The following METTL4 variants were observed in gnomAD, a reference collection of about 807,000 sequenced individuals.
METTL4 encodes N(6)-adenine-specific methyltransferase METTL4.
METTL4 carries 40 observed loss-of-function variants against 54.0 expected under a neutral mutation model. That is an observed-to-expected ratio of 0.74 (90% CI 0.58 to 0.96). METTL4 has a LOEUF of 0.96. Among genes scored for constraint, METTL4 ranks in the 50% least tolerant of loss-of-function variants. The probability of loss-of-function intolerance (pLI) is 0.00; values close to 1 mark genes in which losing one functional copy is unlikely to be tolerated. For synonymous variants in METTL4, 169 were observed against 183.8 expected, an observed-to-expected ratio of 0.92 and a Z score of 0.65; for missense variants, 525 against 549.0, an observed-to-expected ratio of 0.96 and a Z score of 0.44.
intron 4 of METTL4, chr18:2,553,587 A>T (rs1276148851): frequency 6.6e-6 from 1 of 152,146 alleles, no homozygotes; most frequent in African/African-American, 2.4e-5. Flanking sequence ...CTTTTCATCC[A>T]CTATTTTGAC....
At chr18:2,547,129 C>G (rs779744556) in intron 6 of METTL4, among the ~76,000 whole-genome samples, 2 of 152,136 alleles carry the variant, frequency 1.3e-5, no homozygotes, top group Non-Finnish European at 2.9e-5. Flanking sequence ...ATCTTCCAGA[C>G]TGACTTCCCA....
intron 2 of METTL4, among the ~76,000 whole-genome samples, chr18:2,564,452 A>G (rs2072372762): frequency 6.6e-6 from 1 of 152,242 alleles, no homozygotes; most frequent in African/African-American, 2.4e-5. Flanking sequence ...CACTTTATAT[A>G]TGGTATAGTT....
intron 3 of METTL4, among the ~76,000 whole-genome samples, chr18:2,558,081 A>G (rs899311321): frequency 5.3e-5 from 8 of 152,248 alleles, no homozygotes; most frequent in African/African-American, 1.9e-4. Context: ...TGACATTCAT[A>G]GAACACTGCC....
rs987433957 is a variant in METTL4 at position 2,538,991 on chromosome 18, A to C, written c.*9T>G. 1.2e-6 allele frequency: 2 copies of C among 1,612,544 alleles called. No homozygotes were observed. Among genetic ancestry groups the C allele is most frequent in the Non-Finnish European group, 8.5e-7 (1 of 1,179,312 alleles). On this transcript the variant is annotated 3_prime_UTR_variant, in exon 9 of 9. Transcript: ENST00000574538. The stretch of plus-strand genomic sequence containing the variant: ...AATGAAGAAACCACTACTTTAATCA[A>C]GATCATAGTCAGCTTCCAGACTCCA...
At position 2,567,547 on chromosome 18, in the gene METTL4, T is replaced by G. The variant is rs150512140; in HGVS notation, c.-331A>C. 3.6e-3 allele frequency: 650 copies of G among 178,778 alleles called. 6 individuals are homozygous for G. The highest frequency in any genetic ancestry group is 0.015 in the Middle Eastern group (6 of 400). 11.1% of individuals were successfully genotyped at this position (178,778 alleles called of 1,614,324 possible). A position where few individuals can be genotyped will look rare whatever the true frequency, so the allele number is the denominator to read the frequency against. ...GTCTGGAATCCCAATGTGATCCTCC[T>G]GTCTTCCTGGGCCCCCCACGACTTC... On this transcript the variant is annotated 5_prime_UTR_variant, in exon 2 of 9. Transcript: ENST00000574538.
intron 6 of METTL4, 30 bp from the exon 7 acceptor site, chr18:2,544,789 T>A (rs1567956948): frequency 6.8e-7 from 1 of 1,465,998 alleles, no homozygotes; most frequent in South Asian, 1.1e-5. Context: ...AAAAGAGGGT[T>A]ATTTTTTCCC....
Position 2,538,880 on chromosome 18 carries a change from A to T in METTL4, c.*120T>A, listed in dbSNP as rs1337513613. 5.3e-6 allele frequency: 6 copies of T among 1,139,870 alleles called. No individual in the cohort carries two copies. In the African/African-American group the frequency reaches 9.3e-5, roughly 18 times the overall value. 70.6% of individuals were successfully genotyped at this position (1,139,870 alleles called of 1,614,324 possible). A position where few individuals can be genotyped will look rare whatever the true frequency, so the allele number is the denominator to read the frequency against. ...TCACTTCTGGTCCCTTACTGAAAAA[A>T]ACAAGTCCTGTTTATATTCTAAGAA... On this transcript the variant is annotated 3_prime_UTR_variant, in exon 9 of 9. Coordinates refer to ENST00000574538, the MANE Select transcript of METTL4 (RefSeq NM_022840.5).
At chr18:2,546,589 A>G (rs561882798) in intron 6 of METTL4, among the ~76,000 whole-genome samples, 1 of 152,292 alleles carries the variant, frequency 6.6e-6, no homozygotes, top group South Asian at 2.1e-4. Context: ...AAAAATGAGT[A>G]TGCTTGCAAT....
intron 1 of METTL4, among the ~76,000 whole-genome samples, chr18:2,570,522 G>T (rs2072487283): frequency 6.6e-6 from 1 of 152,202 alleles, no homozygotes. Context: ...TTAGTGCTAA[G>T]GATTTAACAA....
At chr18:2,564,225 A>G (rs1163125068) in intron 2 of METTL4, among the ~76,000 whole-genome samples, 2 of 150,006 alleles carry the variant, frequency 1.3e-5, no homozygotes, top group South Asian at 2.1e-4. Flanking sequence ...AACATGGTGA[A>G]ACCCCATCTC....
At chr18:2,551,672 G>A (rs914913530) in intron 5 of METTL4, among the ~76,000 whole-genome samples, 1 of 151,680 alleles carries the variant, frequency 6.6e-6, no homozygotes, top group Non-Finnish European at 1.5e-5. Flanking sequence ...TTCCAGCCTG[G>A]GCAACAGAGT....
chr18:2,569,448 A>G (rs1046754745), intron 1 of METTL4, among the ~76,000 whole-genome samples: 2 of 152,142 alleles, frequency 1.3e-5, no homozygotes, highest in African/African-American at 2.4e-5. Flanking sequence ...TTCTCCTTAC[A>G]TGGCCTGGAG....
rs752222705 is a variant in METTL4 at position 2,554,658 on chromosome 18, T to C, written c.829+11A>G. On this transcript the variant is annotated intron_variant, in intron 4 of 8. Transcript: ENST00000574538. Reference sequence around the variant, plus strand: ...TATCTTTTTCTAATAACAAACACAATAATTACTTACAGTTTAGAAGTGGTT... The same window carrying C: ...TATCTTTTTCTAATAACAAACACAACAATTACTTACAGTTTAGAAGTGGTT... 12 of 1,582,224 alleles carry C rather than the reference T, an allele frequency of 7.6e-6. No homozygotes were observed. The African/African-American group carries it at 1.4e-4, about 18-fold the overall frequency.
intron 8 of METTL4, among the ~76,000 whole-genome samples, chr18:2,539,467 A>T (rs2071960808): frequency 2.2e-5 from 1 of 44,446 alleles, no homozygotes; most frequent in South Asian, 1.2e-3. Context: ...CCTGAGTATT[A>T]ACTTTATTTA....
At position 2,538,931 on chromosome 18, in the gene METTL4, A is replaced by T; in HGVS notation, c.*69T>A. On this transcript the variant is annotated 3_prime_UTR_variant, in exon 9 of 9. Transcript: ENST00000574538. Reference sequence around the variant, plus strand: ...TATGGGTTGGTAACAAAATAAAAAAATGACTTAGAATTAAGGGAAAAGTGG... The same window carrying T: ...TATGGGTTGGTAACAAAATAAAAAATTGACTTAGAATTAAGGGAAAAGTGG... The T allele has an allele frequency of 6.6e-7, 1 of 1,525,276 alleles. No homozygotes were observed. The highest frequency in any genetic ancestry group is 1.2e-5 in the South Asian group (1 of 82,408). The allele number at this position is 1,525,276 out of a possible 1,614,324, so 94.5% of individuals were successfully genotyped here.
rs773390360 is a variant in METTL4 at position 2,538,976 on chromosome 18, C to A, written c.*24G>T. 5 of 1,605,642 alleles carry A rather than the reference C, an allele frequency of 3.1e-6. No homozygotes were observed. Among genetic ancestry groups the A allele is most frequent in the African/African-American group, 2.7e-5 (2 of 74,664 alleles). ...AAGTGGTGAGGAAACAATGAAGAAA[C>A]CACTACTTTAATCAAGATCATAGTC... is the stretch of plus-strand genomic sequence containing the variant. On this transcript the variant is annotated 3_prime_UTR_variant, in exon 9 of 9. Coordinates refer to ENST00000574538, the MANE Select transcript of METTL4 (RefSeq NM_022840.5).
At chr18:2,565,452 G>T (rs2072392804) in intron 2 of METTL4, among the ~76,000 whole-genome samples, 1 of 151,926 alleles carries the variant, frequency 6.6e-6, no homozygotes, top group Non-Finnish European at 1.5e-5. Flanking sequence ...AAAACCCCAT[G>T]ACACAAATGT....
intron 8 of METTL4, among the ~76,000 whole-genome samples, chr18:2,543,145 C>G (rs1048760886): frequency 6.6e-6 from 1 of 151,524 alleles, no homozygotes; most frequent in Non-Finnish European, 1.5e-5. Flanking sequence ...AAAAAAGGAC[C>G]CTTCTCCATA....
chr18:2,552,643 G>A (rs1033935251), intron 5 of METTL4, 52 bp downstream of exon 5: 8 of 1,164,258 alleles, frequency 6.9e-6, no homozygotes, highest in South Asian at 1.3e-5. Context: ...AAACTATAAT[G>A]TACAAAGGAC....
Sources: allele counts gnomAD v4.1 joint callset (sites outside exome capture counted in the v4.1 genomes callset), GRCh38; gene constraint gnomAD v4.1.1; transcripts MANE v1.5; gene names NCBI Gene and HGNC (gene_info 2026-07-23, HGNC 2026-07-21).